The following TTC3 variants were observed in gnomAD, a reference collection of about 807,000 sequenced individuals.
The protein encoded by TTC3 is E3 ubiquitin-protein ligase TTC3.
A neutral mutation model predicts 249.6 loss-of-function variants in TTC3; 180 were observed. That is an observed-to-expected ratio of 0.72 (90% confidence interval 0.64 to 0.82). TTC3 has a LOEUF of 0.82. Ranked by LOEUF, TTC3 falls within the 40% of genes least tolerant of loss-of-function variation. TTC3 has a pLI of 0.00. For missense variants in TTC3, 2,061 were observed against 2,398.4 expected (o/e 0.86, Z 2.94); for synonymous variants, 717 against 805.0 (o/e 0.89, Z 1.85).
chr21:37,086,366 G>T (rs998958007), intron 1 of TTC3: 1 of 152,074 alleles, frequency 6.6e-6, no homozygotes, highest in Non-Finnish European at 1.5e-5. Flanking sequence ...TAATAAAATG[G>T]TGCATTTTTC....
chr21:37,091,371 A>G (rs1451020634), exon 7 of TTC3: 10 of 1,611,296 alleles, frequency 6.2e-6, no homozygotes, highest in Admixed American at 3.3e-5. Flanking sequence ...ATTAGGATCA[A>G]TTGACAATTG....
intron 11 of TTC3, among the ~76,000 whole-genome samples, chr21:37,115,781 G>A (rs1217915008): frequency 6.6e-6 from 1 of 152,068 alleles, no homozygotes; most frequent in Non-Finnish European, 1.5e-5. Flanking sequence ...AGACATTCCA[G>A]GCCCACTTCC....
At chr21:37,200,131 C>G (rs1389566761) in intron 44 of TTC3, 101 bp from the exon 45 acceptor site, 2 of 1,038,220 alleles carry the variant, frequency 1.9e-6, no homozygotes, top group East Asian at 2.7e-5. Context: ...ATTTGCCACC[C>G]TTTGTGGCAG....
chr21:37,103,606 A>G (rs767976261), intron 10 of TTC3, among the ~76,000 whole-genome samples: 5 of 152,196 alleles, frequency 3.3e-5, no homozygotes, highest in Non-Finnish European at 5.9e-5. Context: ...GATATTTATA[A>G]TATATGCTAT....
intron 21 of TTC3, 127 bp downstream of exon 21, chr21:37,144,772 A>T (rs922765255): frequency 8.7e-7 from 1 of 1,149,548 alleles, no homozygotes. Flanking sequence ...TTTCCCCTCT[A>T]CTGTCTAATG....
intron 13 of TTC3, 37 bp from the exon 14 acceptor site, chr21:37,124,581 CA>C: frequency 6.3e-7 from 1 of 1,596,644 alleles, no homozygotes; most frequent in Non-Finnish European, 8.5e-7. Context: ...GGATAACTTT[CA>C]AAAAATGTAT....
intron 11 of TTC3, among the ~76,000 whole-genome samples, chr21:37,108,883 G>A (rs1292640305): frequency 5.3e-5 from 8 of 152,096 alleles, no homozygotes; most frequent in Non-Finnish European, 8.8e-5. Context: ...ATGTCAAAAG[G>A]CACCATAGAT....
rs562623643 is a variant in TTC3 at position 37,104,521 on chromosome 21, C to T, written c.846-3871C>T. Among the ~76,000 whole-genome samples, 167 of 140,252 alleles carry T rather than the reference C, an allele frequency of 1.2e-3. 1 individual carries two copies. Among genetic ancestry groups the T allele is most frequent in the African/African-American group, 4.0e-3 (149 of 37,194 alleles). 92.0% of individuals were successfully genotyped at this position (140,252 alleles called of 152,430 possible). Reference sequence around the variant, plus strand: ...AGGAGAATTGCTTGAACGTGGGAGGCGGAGGTTGCAGTGAGCCAAAGTAGC... The same window carrying T: ...AGGAGAATTGCTTGAACGTGGGAGGTGGAGGTTGCAGTGAGCCAAAGTAGC... On this transcript the variant is annotated intron_variant, in intron 10 of 45. Transcript: ENST00000355666.
chr21:37,157,153 C>T lies in TTC3; in HGVS notation c.2992+247C>T, dbSNP rs201182842. ...TGCTAACAATACACAATGTTCTTCC[C>T]GTCTTAGATATTTTCACAGCATCAT... On this transcript the variant is annotated intron_variant, in intron 28 of 45. Transcript: ENST00000355666. 3.2e-4 allele frequency: 456 copies of T among 1,406,420 alleles called. 1 individual carries two copies. Among genetic ancestry groups the T allele is most frequent in the African/African-American group, 1.9e-3 (131 of 69,836 alleles). 87.1% of individuals were successfully genotyped at this position (1,406,420 alleles called of 1,614,324 possible).
exon 46 of TTC3, chr21:37,201,734 C>G: frequency 1.1e-6 from 1 of 934,996 alleles, no homozygotes; most frequent in South Asian, 1.8e-5. Context: ...TAAGTAATTT[C>G]CCCACTCTGA....
Position 37,117,835 on chromosome 21 carries a change from CAAAAAAAA to C in TTC3, c.901-3971_901-3964del, listed in dbSNP as rs60664616. ...GCAGCGAGCTATGATTGCGCCACTT[CAAAAAAAA>C]AAAAAAAAAAGAAAAAAGAAAAAAA... On this transcript the variant is annotated intron_variant, in intron 11 of 45. Coordinates refer to ENST00000355666, the Ensembl canonical transcript of TTC3. Among the ~76,000 whole-genome samples the C allele has an allele frequency of 4.3e-3, 317 of 73,452 alleles. 1 individual carries two copies. Among genetic ancestry groups the C allele is most frequent in the African/African-American group, 0.012 (288 of 23,430 alleles). The allele number at this position is 73,452 out of a possible 152,430, so 48.2% of individuals were successfully genotyped here. A position where few individuals can be genotyped will look rare whatever the true frequency, so the allele number is the denominator to read the frequency against.
chr21:37,135,597 T>G (rs1266146095), intron 18 of TTC3, 83 bp downstream of exon 18: 6 of 1,491,876 alleles, frequency 4.0e-6, no homozygotes, highest in Non-Finnish European at 2.7e-6. Context: ...CTTAACTCAT[T>G]GTAGTAATGT....
At chr21:37,077,811 G>C (rs1057336624) in intron 1 of TTC3, among the ~76,000 whole-genome samples, 1 of 152,112 alleles carries the variant, frequency 6.6e-6, no homozygotes, top group African/African-American at 2.4e-5. Context: ...GATTATGTGC[G>C]TTGTAAATAT....
chr21:37,189,570 T>C (rs1366663127), intron 39 of TTC3, among the ~76,000 whole-genome samples: 3 of 146,910 alleles, frequency 2.0e-5, no homozygotes, highest in Non-Finnish European at 4.5e-5. Context: ...GTTTTTGAGA[T>C]GGAGTCTCGC....
rs572913276 is a variant in TTC3, at chr21:37,113,385, C to T, written c.900+4939C>T. On this transcript the variant is annotated intron_variant, in intron 11 of 45. Coordinates refer to ENST00000355666, the Ensembl canonical transcript of TTC3. ...TGTGCAAAAATCACAAGCATTCTTA[C>T]ACACCAATAACAAACAGAGAGCCAA... 1.5e-3 allele frequency among the ~76,000 whole-genome samples: 224 copies of T among 152,148 alleles called. 2 individuals are homozygous for T. The highest frequency in any genetic ancestry group is 4.9e-3 in the African/African-American group (205 of 41,532).
chr21:37,139,469 A>G (rs377555563), intron 19 of TTC3, among the ~76,000 whole-genome samples: 1 of 152,290 alleles, frequency 6.6e-6, no homozygotes, highest in East Asian at 1.9e-4. Context: ...AATTACCTCA[A>G]GTATAATATA....
Position 37,087,885 on chromosome 21 carries a change from T to C in TTC3, c.187+10T>C, listed in dbSNP as rs1265562636. On this transcript the variant is annotated intron_variant, in intron 3 of 45. Coordinates refer to ENST00000355666, the Ensembl canonical transcript of TTC3. ...AGTGAGAGGAATTTGGGTGAGTACG[T>C]TGGTATTTTTAATGTTAATTTATGG... 1.6e-5 allele frequency: 26 copies of C among 1,591,944 alleles called. No individual in the cohort carries two copies. In the Admixed American group the frequency reaches 4.6e-4, roughly 28 times the overall value.
exon 13 of TTC3, chr21:37,123,020 T>C (rs1482768916): frequency 1.2e-6 from 2 of 1,614,068 alleles, no homozygotes; most frequent in Admixed American, 1.7e-5. Flanking sequence ...AAGCCTTTTA[T>C]GAAAACAGGT....
intron 35 of TTC3, among the ~76,000 whole-genome samples, chr21:37,173,829 T>A (rs1166995969): frequency 3.9e-5 from 6 of 152,208 alleles, no homozygotes; most frequent in African/African-American, 1.4e-4. Flanking sequence ...AGATAGATCC[T>A]GAGACTTTAC....
Sources: allele counts gnomAD v4.1 joint callset (sites outside exome capture counted in the v4.1 genomes callset), GRCh38; gene constraint gnomAD v4.1.1; transcripts MANE v1.5; gene names NCBI Gene and HGNC (gene_info 2026-07-23, HGNC 2026-07-21).